The following SND1 variants were observed in gnomAD, a reference collection of about 807,000 sequenced individuals.
SND1 encodes the protein staphylococcal nuclease and tudor domain containing 1.
A neutral mutation model predicts 121.7 loss-of-function variants in SND1; 38 were observed. The ratio of observed to expected loss-of-function variants is 0.31; its 90% CI spans 0.24 to 0.41. The LOEUF is 0.41. Among genes scored for constraint, SND1 ranks in the 10% least tolerant of loss-of-function variants. SND1 has a pLI of 1.00. For missense variants in SND1, 868 were observed against 1,184.6 expected (o/e 0.73, Z 3.92); for synonymous variants, 401 against 447.4 (o/e 0.90, Z 1.31).
chr7:128,076,669 A>T (rs1047224332), intron 17 of SND1, among the ~76,000 whole-genome samples: 11 of 152,196 alleles, frequency 7.2e-5, no homozygotes, highest in Non-Finnish European at 1.3e-4. Flanking sequence ...ACCTGTCAAG[A>T]GACAGTGGTT....
intron 10 of SND1, among the ~76,000 whole-genome samples, chr7:127,734,905 T>A (rs1365439201): frequency 6.6e-6 from 1 of 152,214 alleles, no homozygotes; most frequent in Non-Finnish European, 1.5e-5. Flanking sequence ...TTTATTAATT[T>A]ATGATGCAAT....
chr7:127,866,155 A>G (rs879473551), intron 12 of SND1, among the ~76,000 whole-genome samples: 26 of 152,272 alleles, frequency 1.7e-4, no homozygotes, highest in Non-Finnish European at 3.1e-4. Flanking sequence ...TCCTTTTCAT[A>G]TCGGCCAGAC....
intron 16 of SND1, among the ~76,000 whole-genome samples, chr7:128,061,304 T>C (rs1401022252): frequency 6.6e-6 from 1 of 152,240 alleles, no homozygotes; most frequent in Non-Finnish European, 1.5e-5. Context: ...ATCACTAATA[T>C]TTCTCCGTAT....
chr7:127,917,266 C>T (rs983759823), intron 14 of SND1, among the ~76,000 whole-genome samples: 3 of 152,174 alleles, frequency 2.0e-5, no homozygotes, highest in African/African-American at 4.8e-5. Context: ...AATTAGAATT[C>T]CCAAATACAC....
chr7:127,813,328 G>C (rs1181764303), intron 11 of SND1, among the ~76,000 whole-genome samples: 1 of 152,162 alleles, frequency 6.6e-6, no homozygotes. Flanking sequence ...CTCTTGTAAA[G>C]AGAAGGTTGA....
chr7:128,092,198 G>A lies in SND1; in HGVS notation c.*140G>A, dbSNP rs531784544. 4.1e-5 allele frequency: 37 copies of A among 892,540 alleles called. No individual in the cohort carries two copies. Among genetic ancestry groups the A allele is most frequent in the Non-Finnish European group, 5.9e-5 (34 of 578,008 alleles). The allele number at this position is 892,540 out of a possible 1,614,324, so 55.3% of individuals were successfully genotyped here. ...CTTCAGTGTGTGGAAATGTCTCGTGGGGTGGCATCGGGGCTGCGGGGTGGG... is the reference window on the plus strand; with the variant it reads ...CTTCAGTGTGTGGAAATGTCTCGTGAGGTGGCATCGGGGCTGCGGGGTGGG... On this transcript the variant is annotated 3_prime_UTR_variant, in exon 24 of 24. Coordinates refer to ENST00000354725, the MANE Select transcript of SND1 (RefSeq NM_014390.4). This position sits in a 1 kb window ranked among gnomAD's most constrained non-coding sequence, Gnocchi z 4.9.
intron 10 of SND1, among the ~76,000 whole-genome samples, chr7:127,750,914 T>C (rs909830023): frequency 2.0e-5 from 3 of 152,210 alleles, no homozygotes; most frequent in Non-Finnish European, 4.4e-5. Flanking sequence ...TGGACTAGTG[T>C]AAAATAAATG....
At chr7:128,082,812 G>C (rs905838327) in intron 18 of SND1, among the ~76,000 whole-genome samples, 1 of 152,130 alleles carries the variant, frequency 6.6e-6, no homozygotes, top group Non-Finnish European at 1.5e-5. Context: ...AAAAGGATGC[G>C]ATCACTCCCA....
intron 13 of SND1, among the ~76,000 whole-genome samples, chr7:127,894,555 A>G (rs1303700734): frequency 2.6e-5 from 4 of 152,132 alleles, no homozygotes; most frequent in Non-Finnish European, 5.9e-5. Context: ...GAAGAGGAGT[A>G]TATTGGTTTG....
intron 16 of SND1, among the ~76,000 whole-genome samples, chr7:127,995,013 G>T (rs971650757): frequency 2.0e-5 from 3 of 152,106 alleles, no homozygotes; most frequent in African/African-American, 7.2e-5. Context: ...TGAGCCAACC[G>T]CGCCTGGCCT....
At chr7:127,940,295 T>G (rs1801165336) in intron 15 of SND1, among the ~76,000 whole-genome samples, 1 of 152,196 alleles carries the variant, frequency 6.6e-6, no homozygotes, top group Non-Finnish European at 1.5e-5. Flanking sequence ...GAGGAATACA[T>G]TTCAGTGTAG....
chr7:127,670,717 G>A (rs1018860561), intron 1 of SND1, among the ~76,000 whole-genome samples: 1 of 150,794 alleles, frequency 6.6e-6, no homozygotes, highest in Non-Finnish European at 1.5e-5. Context: ...GTCTCACTTT[G>A]TTGACCTAGC....
Position 127,952,647 on chromosome 7 carries a change from T to C in SND1, c.1669+23318T>C, listed in dbSNP as rs76212569. 3.9e-5 allele frequency among the ~76,000 whole-genome samples: 6 copies of C among 152,336 alleles called. No individual in the cohort carries two copies. The East Asian group carries it at 1.2e-3, about 29-fold the overall frequency. On this transcript the variant is annotated intron_variant, in intron 15 of 23. Transcript: ENST00000354725. ...TATGGCTGTTTGCTTTAGCTTTCTGTGCTTGTAACTCATTTTTGACATGAC... is the reference window on the plus strand; with the variant it reads ...TATGGCTGTTTGCTTTAGCTTTCTGCGCTTGTAACTCATTTTTGACATGAC...
At position 128,029,685 on chromosome 7, in the gene SND1, A is replaced by G; in HGVS notation, c.1779+38629A>G. On this transcript the variant is annotated intron_variant, in intron 16 of 23. Transcript: ENST00000354725. The surrounding 1 kb of genome is among the most constrained non-coding windows in gnomAD (Gnocchi z 4.2). ...GCCACAGCAGGTGGAATTGGTGGGT[A>G]TATACTCTCGAAGCCACCAGGCTAG... The G allele has an allele frequency of 6.2e-7, 1 of 1,613,918 alleles. No individual in the cohort carries two copies. The highest frequency in any genetic ancestry group is 1.3e-5 in the African/African-American group (1 of 75,044).
intron 15 of SND1, among the ~76,000 whole-genome samples, chr7:127,976,438 T>C (rs1227590763): frequency 6.6e-6 from 1 of 152,224 alleles, no homozygotes; most frequent in Non-Finnish European, 1.5e-5. Context: ...CTGCCCTCCT[T>C]CTTTTCAACT....
At chr7:128,024,325 A>G (rs1182606528) in intron 16 of SND1, among the ~76,000 whole-genome samples, 2 of 152,152 alleles carry the variant, frequency 1.3e-5, no homozygotes, top group East Asian at 1.9e-4. Flanking sequence ...GCATTAGCCG[A>G]TGGCATGGAG....
At chr7:128,080,249 ACCTC>A (rs755163363) in intron 17 of SND1, among the ~76,000 whole-genome samples, 3 of 151,742 alleles carry the variant, frequency 2.0e-5, no homozygotes, top group Non-Finnish European at 4.4e-5. Context: ...CTGGAAAGCC[ACCTC>A]CCTCCCCTGC....
At chr7:127,849,023 A>G (rs1226228588) in intron 12 of SND1, among the ~76,000 whole-genome samples, 1 of 152,174 alleles carries the variant, frequency 6.6e-6, no homozygotes, top group Non-Finnish European at 1.5e-5. Flanking sequence ...GGAGTTGGCA[A>G]GAGTTGTTAT....
intron 10 of SND1, among the ~76,000 whole-genome samples, chr7:127,753,308 A>G (rs528397545): frequency 1.1e-4 from 16 of 152,294 alleles, no homozygotes; most frequent in African/African-American, 2.2e-4. Flanking sequence ...AGCAACAATG[A>G]TAATAGGAAA....
Sources: gnomAD v4.1 joint callset for allele counts (sites outside exome capture counted in the v4.1 genomes callset) on GRCh38, gnomAD v4.1.1 for gene constraint, Gnocchi (gnomAD v3.1) non-coding constraint, MANE v1.5 for transcripts, NCBI Gene and HGNC (gene_info 2026-07-23, HGNC 2026-07-21) for gene names.